The following BCAS3 variants were observed in gnomAD, a reference collection of about 807,000 sequenced individuals.
The protein encoded by BCAS3 is BCAS4/BCAS3 fusion.
Under a neutral mutation model 116.1 loss-of-function variants are expected in BCAS3, and 53 were observed. The ratio of observed to expected loss-of-function variants is 0.46; its 90% CI spans 0.37 to 0.57. BCAS3 has a LOEUF of 0.57. Ranked by LOEUF, BCAS3 falls within the 20% of genes least tolerant of loss-of-function variation. The probability of loss-of-function intolerance (pLI) is 0.00; values close to 1 mark genes in which losing one functional copy is unlikely to be tolerated. For missense variants in BCAS3, 917 were observed against 1,165.4 expected, an observed-to-expected ratio of 0.79 and a Z score of 3.10; for synonymous variants, 391 against 408.2, an observed-to-expected ratio of 0.96 and a Z score of 0.51.
rs1157077224 is a variant in BCAS3, at chr17:61,051,570, G to T, written c.2029+10678G>T. On this transcript the variant is annotated intron_variant, in intron 19 of 23. Transcript: ENST00000407086. The surrounding 1 kb of genome is among the most constrained non-coding windows in gnomAD (Gnocchi z 4.1). ...TCACTGTACTATTTTGCAACTTTTT[G>T]TGAATCTTTAATCATTTCAAAATAA... is the stretch of plus-strand genomic sequence containing the variant. Among the ~76,000 whole-genome samples the T allele has an allele frequency of 1.3e-5, 2 of 152,178 alleles. No individual in the cohort carries two copies. The highest frequency in any genetic ancestry group is 2.9e-5 in the Non-Finnish European group (2 of 68,030).
At chr17:61,100,957 G>C (rs193299244) in intron 22 of BCAS3, among the ~76,000 whole-genome samples, 2 of 152,262 alleles carry the variant, frequency 1.3e-5, no homozygotes, top group African/African-American at 2.4e-5. Flanking sequence ...GTAGAGCAAA[G>C]GTGTGAATCT....
chr17:61,040,876 G>C lies in BCAS3; in HGVS notation c.2013G>C (p.Gln671His). ...CTGCAGATGCAGTACAGTATTATCA[G>C]TTCCTGCTTGCTGGCCGTAAGTAGT... ...LLAADAVQYY[Q>H]FLLAGLVPPG... The change falls in exon 19 of 24, where the codon CAG (glutamine) becomes CAC (histidine). Residue 671 changes from glutamine to histidine, a missense_variant. Coordinates refer to ENST00000407086, the MANE Select transcript of BCAS3 (RefSeq NM_017679.5). 6.2e-7 allele frequency: 1 copy of C among 1,613,218 alleles called. No individual in the cohort carries two copies.
intron 22 of BCAS3, among the ~76,000 whole-genome samples, chr17:61,301,302 C>T (rs2053406767): frequency 6.6e-6 from 1 of 152,182 alleles, no homozygotes; most frequent in Non-Finnish European, 1.5e-5. Flanking sequence ...GTTTCCCAAT[C>T]CCTGGTGTAA....
intron 13 of BCAS3, among the ~76,000 whole-genome samples, chr17:60,929,430 AAAAAAATT>A (rs1461777296): frequency 6.6e-6 from 1 of 152,144 alleles, no homozygotes; most frequent in Non-Finnish European, 1.5e-5. Context: ...CCTGTCTGGA[AAAAAAATT>A]AAAAAATTAA....
Position 61,344,694 on chromosome 17 carries a change from G to A in BCAS3, c.2426-23633G>A, listed in dbSNP as rs564061806. Among the ~76,000 whole-genome samples, 6 of 152,258 alleles carry A rather than the reference G, an allele frequency of 3.9e-5. No individual in the cohort carries two copies. The South Asian group carries it at 6.2e-4, about 16-fold the overall frequency. On this transcript the variant is annotated intron_variant, in intron 22 of 23. Transcript: ENST00000407086. The surrounding 1 kb of genome is among the most constrained non-coding windows in gnomAD (Gnocchi z 4.1). ...GCTGCAGTTGAGGGATGAGCAAGGC[G>A]AAGATGTAAAGGCCCTGGGGTGAAA... is the stretch of plus-strand genomic sequence containing the variant.
At chr17:60,920,652 C>T (rs866392910) in intron 12 of BCAS3, among the ~76,000 whole-genome samples, 4 of 152,068 alleles carry the variant, frequency 2.6e-5, no homozygotes, top group Admixed American at 1.3e-4. Flanking sequence ...AGGCAGATCA[C>T]GAGGTCGGGA....
chr17:61,148,688 A>G (rs2077379597), intron 22 of BCAS3, among the ~76,000 whole-genome samples: 1 of 152,222 alleles, frequency 6.6e-6, no homozygotes, highest in African/African-American at 2.4e-5. Context: ...AGATAGGTAT[A>G]ATTATTTGTA....
intron 6 of BCAS3, among the ~76,000 whole-genome samples, chr17:60,792,064 A>T (rs2046814408): frequency 6.6e-6 from 1 of 152,190 alleles, no homozygotes; most frequent in African/African-American, 2.4e-5. Flanking sequence ...TGGAGGTTGC[A>T]GTGAGCCGAG....
At chr17:60,772,604 G>T (rs2044832719) in intron 6 of BCAS3, among the ~76,000 whole-genome samples, 1 of 152,154 alleles carries the variant, frequency 6.6e-6, no homozygotes. Context: ...CATAGGCTGG[G>T]CATGGTGGCT....
In BCAS3 at chr17:61,051,737, A is replaced by G. The variant is rs892717539; in HGVS notation, c.2029+10845A>G. Among the ~76,000 whole-genome samples the G allele has an allele frequency of 2.6e-5, 4 of 152,136 alleles. No individual in the cohort carries two copies. Among genetic ancestry groups the G allele is most frequent in the African/African-American group, 7.2e-5 (3 of 41,426 alleles). On this transcript the variant is annotated intron_variant, in intron 19 of 23. Transcript: ENST00000407086. This position sits in a 1 kb window ranked among gnomAD's most constrained non-coding sequence, Gnocchi z 4.1. ...CTCAGCCTCCTGAGTACCTGGGACTATAGGCTCGCACCATCATGCCTGGCT... is the reference window on the plus strand; with the variant it reads ...CTCAGCCTCCTGAGTACCTGGGACTGTAGGCTCGCACCATCATGCCTGGCT...
Position 61,095,844 on chromosome 17 carries a change from T to TACACACACACAC in BCAS3, c.2425+11298_2425+11309dup, listed in dbSNP as rs10671633. ...AAAACCACTGGTATGCATATTCTCG[T>TACACACACACAC]ACACACACACACACACACACACACA... is the stretch of plus-strand genomic sequence containing the variant. On this transcript the variant is annotated intron_variant, in intron 22 of 23. Transcript: ENST00000407086. The surrounding 1 kb of genome is among the most constrained non-coding windows in gnomAD (Gnocchi z 4.7). Among the ~76,000 whole-genome samples the TACACACACACAC allele has an allele frequency of 5.2e-3, 768 of 146,334 alleles. 6 individuals carry two copies. The highest frequency in any genetic ancestry group is 0.018 in the African/African-American group (732 of 40,054).
intron 22 of BCAS3, among the ~76,000 whole-genome samples, chr17:61,268,083 A>G (rs2049910345): frequency 6.6e-6 from 1 of 152,204 alleles, no homozygotes; most frequent in Admixed American, 6.5e-5. Context: ...CTGAAGACAC[A>G]GTATCCTTAG....
At position 61,211,848 on chromosome 17, in the gene BCAS3, CCCA is replaced by C. The variant is rs753948434; in HGVS notation, c.2425+127288_2425+127290del. Among the ~76,000 whole-genome samples the C allele has an allele frequency of 2.6e-5, 4 of 152,290 alleles. No individual in the cohort carries two copies. Among genetic ancestry groups the C allele is most frequent in the Non-Finnish European group, 5.9e-5 (4 of 68,016 alleles). ...AGGCATAGACTTGGAGAGCAAGCTGCCCACCAGGGCAGGGCCTTAGCATAAAGT... is the reference window on the plus strand; with the variant it reads ...AGGCATAGACTTGGAGAGCAAGCTGCCCAGGGCAGGGCCTTAGCATAAAGT... On this transcript the variant is annotated intron_variant, in intron 22 of 23. Transcript: ENST00000407086. This position sits in a 1 kb window ranked among gnomAD's most constrained non-coding sequence, Gnocchi z 4.4.
intron 5 of BCAS3, among the ~76,000 whole-genome samples, chr17:60,712,190 A>G (rs1250661625): frequency 6.6e-6 from 1 of 151,142 alleles, no homozygotes. Flanking sequence ...ACAAAAACAC[A>G]TAGTGAGACC....
chr17:60,871,457 C>T (rs1181283548), intron 8 of BCAS3, among the ~76,000 whole-genome samples: 1 of 152,170 alleles, frequency 6.6e-6, no homozygotes, highest in Non-Finnish European at 1.5e-5. Flanking sequence ...TGTGCCCAAT[C>T]TCTCTATTTT....
At chr17:60,948,144 G>T (rs1376997804) in intron 14 of BCAS3, among the ~76,000 whole-genome samples, 1 of 151,404 alleles carries the variant, frequency 6.6e-6, no homozygotes, top group Non-Finnish European at 1.5e-5. Context: ...TCGCTCTGTT[G>T]CCCAGGCTAG....
rs2050803435 is a variant in BCAS3 at position 61,276,914 on chromosome 17, T to C, written c.2426-91413T>C. Among the ~76,000 whole-genome samples the C allele has an allele frequency of 6.6e-6, 1 of 152,146 alleles. No individual in the cohort carries two copies. ...AAATAACCCTCACATTTACAGTCAA[T>C]TGAATTTTAAACATGGATGTCAAGA... On this transcript the variant is annotated intron_variant, in intron 22 of 23. Coordinates refer to ENST00000407086, the MANE Select transcript of BCAS3 (RefSeq NM_017679.5). The surrounding 1 kb of genome is among the most constrained non-coding windows in gnomAD (Gnocchi z 4.2).
chr17:60,983,900 C>T (rs989469511), intron 14 of BCAS3, among the ~76,000 whole-genome samples: 1 of 152,144 alleles, frequency 6.6e-6, no homozygotes, highest in Non-Finnish European at 1.5e-5. Context: ...TCTGTTTACA[C>T]CTTTGTTCGT....
At chr17:60,985,586 C>T (rs1295885530) in intron 14 of BCAS3, among the ~76,000 whole-genome samples, 2 of 151,908 alleles carry the variant, frequency 1.3e-5, no homozygotes, top group African/African-American at 4.8e-5. Flanking sequence ...CTACAGTCAC[C>T]CTGTTGTGCT....
Sources: gnomAD v4.1 joint callset for allele counts (sites outside exome capture counted in the v4.1 genomes callset) on GRCh38, gnomAD v4.1.1 for gene constraint, Gnocchi (gnomAD v3.1) non-coding constraint, MANE v1.5 for transcripts, NCBI Gene and HGNC (gene_info 2026-07-23, HGNC 2026-07-21) for gene names.